Variants in UTP20 observed in about 807,000 individuals in gnomAD.
UTP20 encodes small subunit processome component 20 homolog.
In UTP20, 164 loss-of-function variants were observed where a neutral mutation model predicts 329.5. That is an observed-to-expected ratio of 0.50 (90% CI 0.44 to 0.57). The LOEUF (loss-of-function observed/expected upper bound fraction) is 0.57, where lower values mean the gene tolerates loss of function less well. UTP20 is among the 20% of genes least tolerant of loss of function. The probability of loss-of-function intolerance (pLI) is 0.00; values close to 1 mark genes in which losing one functional copy is unlikely to be tolerated. For missense variants in UTP20, 3,055 were observed against 3,284.2 expected, an observed-to-expected ratio of 0.93 and a Z score of 1.71; for synonymous variants, 1,151 against 1,159.3, an observed-to-expected ratio of 0.99 and a Z score of 0.14.
intron 47 of UTP20, 123 bp downstream of exon 47, chr12:101,366,822 T>A (rs1870110030): frequency 4.2e-6 from 2 of 478,830 alleles, no homozygotes; most frequent in Non-Finnish European, 5.8e-6. Context: ...ACATTTTAGA[T>A]TTTTTTTTTT....
chr12:101,330,597 TTA>T (rs1184773235), intron 27 of UTP20, among the ~76,000 whole-genome samples: 1 of 152,208 alleles, frequency 6.6e-6, no homozygotes, highest in Non-Finnish European at 1.5e-5. Flanking sequence ...TCTTTCTCTG[TTA>T]TATGAGAGTG....
At chr12:101,331,127 G>A (rs1056413916) in intron 27 of UTP20, among the ~76,000 whole-genome samples, 1 of 152,150 alleles carries the variant, frequency 6.6e-6, no homozygotes, top group African/African-American at 2.4e-5. Flanking sequence ...CATATTGACT[G>A]TTCCTCTAGG....
Position 101,370,423 on chromosome 12 carries a change from A to G in UTP20, c.6556-9A>G, listed in dbSNP as rs772930356. On this transcript the variant is annotated splice_polypyrimidine_tract_variant and intron_variant, in intron 49 of 61. Transcript: ENST00000261637. ...TGCTGGCTGTTAACATCACTATTGT[A>G]ACTTGCAGTGTGTGACCATACTTGT... The G allele has an allele frequency of 2.5e-6, 4 of 1,611,684 alleles. No homozygotes were observed. The highest frequency in any genetic ancestry group is 3.4e-5 in the Admixed American group (2 of 59,660).
chr12:101,374,190 C>G (rs1458637302), intron 54 of UTP20, among the ~76,000 whole-genome samples: 1 of 150,730 alleles, frequency 6.6e-6, no homozygotes, highest in African/African-American at 2.4e-5. Context: ...AGCCGAGGTC[C>G]CGCCACTGCA....
intron 8 of UTP20, 181 bp from the exon 9 acceptor site, chr12:101,291,561 A>G (rs1872154997): frequency 2.8e-6 from 1 of 359,696 alleles, no homozygotes; most frequent in Non-Finnish European, 4.6e-6. Flanking sequence ...AAAAAAAAAA[A>G]AGACTTAGAA....
chr12:101,366,605 G>T lies in UTP20; in HGVS notation c.6173G>T (p.Cys2058Phe). 1 of 1,614,138 alleles carries T rather than the reference G, an allele frequency of 6.2e-7. No homozygotes were observed. Among genetic ancestry groups the T allele is most frequent in the East Asian group, 2.2e-5 (1 of 44,884 alleles). ...GATCCACGTCTACCACCCCAGAGCT[G>T]CCTTCTGCTTCCCCCAACTCCAGTT... ...APDPRLPPQS[C>F]LLLPPTPVRG... The change falls in exon 47 of 62, where the codon TGC becomes TTC. Residue 2058 changes from cysteine (C) to phenylalanine (F), a missense_variant. Transcript: ENST00000261637.
rs1304414335 is a variant in UTP20 at position 101,362,947 on chromosome 12, AC to A, written c.5791-628del. ...CAGGAGTTTGAGACCAGCCTGTGCT[AC>A]ATGGTGAAACCCCATCTCTGCTAAA... On this transcript the variant is annotated intron_variant, in intron 44 of 61. Transcript: ENST00000261637. Among the ~76,000 whole-genome samples, 11 of 132,238 alleles carry A rather than the reference AC, an allele frequency of 8.3e-5. 5 individuals are homozygous for A. The highest frequency in any genetic ancestry group is 4.3e-4 in the African/African-American group (11 of 25,320). The allele number at this position is 132,238 out of a possible 152,430, so 86.8% of individuals were successfully genotyped here. A position where few individuals can be genotyped will look rare whatever the true frequency, so the allele number is the denominator to read the frequency against.
At position 101,383,113 on chromosome 12, in the gene UTP20, A is replaced by G. The variant is rs771813928; in HGVS notation, c.7729A>G (p.Lys2577Glu). The G allele has an allele frequency of 8.4e-5, 135 of 1,613,754 alleles. 1 individual carries two copies. The South Asian group carries it at 1.2e-3, about 15-fold the overall frequency. ...ACTTTATTGTGAGGATAAGCAAAGT[A>G]AGATAAAAGAAGACCTGGAAGAACA... Reference protein sequence around the residue: ...LELYCEDKQSKIKEDLEEQEA... With the variant: ...LELYCEDKQSEIKEDLEEQEA... Residue 2577 changes from lysine (K) to glutamate (E), a missense_variant, in exon 59 of 62, where the codon AAG becomes GAG. By Grantham distance (56) the Lys-to-Glu change is moderately conservative. Around this residue, in one of 3 missense-constraint regions of UTP20, gnomAD observed 337 missense variants for 345.5 expected, o/e 0.98. Coordinates refer to ENST00000261637, the MANE Select transcript of UTP20 (RefSeq NM_014503.3).
intron 58 of UTP20, 104 bp from the exon 59 acceptor site, chr12:101,382,937 T>G: frequency 7.1e-7 from 1 of 1,407,252 alleles, no homozygotes; most frequent in Non-Finnish European, 9.5e-7. Context: ...AGTTTGTTTT[T>G]GTTTTCTAAT....
chr12:101,317,185 C>G (rs746047684), intron 21 of UTP20, among the ~76,000 whole-genome samples: 1 of 152,146 alleles, frequency 6.6e-6, no homozygotes, highest in African/African-American at 2.4e-5. Flanking sequence ...GTGGTGGTTC[C>G]AGAGACAGGG....
intron 5 of UTP20, among the ~76,000 whole-genome samples, chr12:101,287,537 T>C (rs946533163): frequency 6.6e-6 from 1 of 152,220 alleles, no homozygotes; most frequent in Non-Finnish European, 1.5e-5. Context: ...ACTCAACACT[T>C]TCCTGTTAAA....
chr12:101,379,338 G>C, intron 56 of UTP20, 33 bp from the exon 57 acceptor site: 1 of 1,553,006 alleles, frequency 6.4e-7, no homozygotes, highest in Non-Finnish European at 8.7e-7. Flanking sequence ...GGAAGGCCAT[G>C]TGACATCCAC....
At chr12:101,340,741 A>G (rs969887668) in intron 32 of UTP20, 131 bp downstream of exon 32, 3 of 621,498 alleles carry the variant, frequency 4.8e-6, no homozygotes, top group South Asian at 2.0e-5. Flanking sequence ...TACTTTATAT[A>G]GAAATTAAAA....
chr12:101,288,916 A>G (rs1483086721), intron 5 of UTP20, 44 bp from the exon 6 acceptor site: 19 of 1,525,214 alleles, frequency 1.2e-5, no homozygotes, highest in Non-Finnish European at 1.7e-5. Context: ...TATTTATTAC[A>G]ATTATATGAT....
intron 45 of UTP20, among the ~76,000 whole-genome samples, chr12:101,365,036 C>T (rs897372593): frequency 4.0e-5 from 6 of 149,334 alleles, no homozygotes; most frequent in Non-Finnish European, 7.4e-5. Flanking sequence ...ACTTCATTCT[C>T]GTGGTTTTCT....
At chr12:101,282,069 C>T (rs1056485198) in intron 2 of UTP20, among the ~76,000 whole-genome samples, 3 of 152,124 alleles carry the variant, frequency 2.0e-5, no homozygotes, top group African/African-American at 4.8e-5. Flanking sequence ...ATTTTAAGGT[C>T]GTACGTAACA....
intron 25 of UTP20, among the ~76,000 whole-genome samples, chr12:101,322,481 T>C (rs957940694): frequency 1.1e-4 from 16 of 152,194 alleles, no homozygotes; most frequent in Non-Finnish European, 1.5e-5. Context: ...CCATAAATAA[T>C]ACAAAGTTTA....
rs703714 is a variant in UTP20, at chr12:101,289,237, C to T, written c.597+196C>T. Among the ~76,000 whole-genome samples, 63,536 of 151,692 alleles carry T rather than the reference C, an allele frequency of 0.42. 15,927 individuals carry two copies. Among genetic ancestry groups the T allele is most frequent in the Non-Finnish European group, 0.57 (38,508 of 67,878 alleles). On this transcript the variant is annotated intron_variant, in intron 6 of 61. Coordinates refer to ENST00000261637, the MANE Select transcript of UTP20 (RefSeq NM_014503.3). ...ACTAAAAATGCAAAAATTAGCTGGGCGTGGTGGCGCGCACCTGTATCCTCA... is the reference window on the plus strand; with the variant it reads ...ACTAAAAATGCAAAAATTAGCTGGGTGTGGTGGCGCGCACCTGTATCCTCA...
intron 38 of UTP20, among the ~76,000 whole-genome samples, chr12:101,349,861 T>C (rs911409774): frequency 2.0e-5 from 3 of 152,190 alleles, no homozygotes; most frequent in African/African-American, 7.2e-5. Flanking sequence ...GAGACTTTTA[T>C]ATTGTTTTGC....
Sources: allele counts gnomAD v4.1 joint callset (sites outside exome capture counted in the v4.1 genomes callset), GRCh38; gene constraint gnomAD v4.1.1; regional missense constraint gnomAD v4.1.1; transcripts MANE v1.5; gene names NCBI Gene and HGNC (gene_info 2026-07-23, HGNC 2026-07-21).